The following RBFOX1 variants were observed in gnomAD, a reference collection of about 807,000 sequenced individuals.
RBFOX1 encodes RNA binding fox-1 homolog 1.
In RBFOX1, 8 loss-of-function variants were observed where a neutral mutation model predicts 57.7. That is an observed-to-expected ratio of 0.14 (90% CI 0.08 to 0.25). The LOEUF is 0.25. RBFOX1 is among the 10% of genes least tolerant of loss of function. RBFOX1 has a pLI of 1.00. For synonymous variants in RBFOX1, 326 were observed against 222.4 expected (o/e 1.47, Z -4.15); for missense variants, 611 against 548.5 (o/e 1.11, Z -1.14).
chr16:6,347,005 G>A (rs1305045139), intron 2 of RBFOX1, among the ~76,000 whole-genome samples: 4 of 152,238 alleles, frequency 2.6e-5, no homozygotes, highest in Non-Finnish European at 4.4e-5. Context: ...TGTTTACATT[G>A]AATAAAGATC....
chr16:7,229,163 C>T (rs914191806), intron 4 of RBFOX1, among the ~76,000 whole-genome samples: 2 of 152,106 alleles, frequency 1.3e-5, no homozygotes, highest in Admixed American at 1.3e-4. Flanking sequence ...AAGGAAAATC[C>T]GCAGATATTT....
chr16:5,368,219 A>G (rs2065773459), intron 1 of RBFOX1, among the ~76,000 whole-genome samples: 1 of 152,220 alleles, frequency 6.6e-6, no homozygotes, highest in Non-Finnish European at 1.5e-5. Flanking sequence ...ATCTTGAATC[A>G]TTGGAGAAGC....
At chr16:7,632,934 T>C (rs1202940990) in intron 11 of RBFOX1, among the ~76,000 whole-genome samples, 3 of 152,240 alleles carry the variant, frequency 2.0e-5, no homozygotes, top group African/African-American at 7.2e-5. Context: ...TGAATTGGTA[T>C]AGCTATTCTA....
intron 3 of RBFOX1, among the ~76,000 whole-genome samples, chr16:6,895,644 A>T (rs1326997861): frequency 6.6e-6 from 1 of 151,602 alleles, no homozygotes; most frequent in Non-Finnish European, 1.5e-5. Flanking sequence ...ATCCTTGACA[A>T]TGCCAATGTT....
At chr16:7,563,505 T>C (rs929604502) in intron 5 of RBFOX1, among the ~76,000 whole-genome samples, 1 of 152,340 alleles carries the variant, frequency 6.6e-6, no homozygotes, top group East Asian at 1.9e-4. Flanking sequence ...TCTTACACTG[T>C]TGCCCAGGCT....
rs76710586 is a variant in RBFOX1, at chr16:6,543,526, T to G, written c.-63-111077T>G. 2.2e-4 allele frequency among the ~76,000 whole-genome samples: 34 copies of G among 152,312 alleles called. No homozygotes were observed. The East Asian group carries it at 6.2e-3, about 28-fold the overall frequency. On this transcript the variant is annotated intron_variant, in intron 2 of 15. Transcript: ENST00000550418. ...CTCTGAGATCTTTCCGCCTGCATTT[T>G]GGGCTTTGCGCTTTTTATACCTTAC...
intron 3 of RBFOX1, among the ~76,000 whole-genome samples, chr16:5,796,909 T>C (rs1217126194): frequency 3.3e-5 from 5 of 152,200 alleles, no homozygotes; most frequent in African/African-American, 1.2e-4. Flanking sequence ...CATGTGACAA[T>C]ATTTATTGAG....
At chr16:6,491,747 T>C (rs987243518) in intron 2 of RBFOX1, among the ~76,000 whole-genome samples, 1 of 152,130 alleles carries the variant, frequency 6.6e-6, no homozygotes, top group African/African-American at 2.4e-5. Context: ...TTTTCAAGGG[T>C]TACCAACAGC....
At chr16:7,598,500 TA>T (rs768856281) in intron 9 of RBFOX1, among the ~76,000 whole-genome samples, 155 of 150,160 alleles carry the variant, frequency 1.0e-3, no homozygotes, top group African/African-American at 3.5e-3. Context: ...TTTTTTAAAG[TA>T]AAAAAAAAAT....
chr16:7,156,228 A>G (rs1480813602), intron 4 of RBFOX1, among the ~76,000 whole-genome samples: 1 of 151,416 alleles, frequency 6.6e-6, no homozygotes, highest in Non-Finnish European at 1.5e-5. Flanking sequence ...CCATATATAT[A>G]TATACACACA....
At chr16:7,093,079 C>T (rs1176573905) in intron 4 of RBFOX1, among the ~76,000 whole-genome samples, 1 of 152,196 alleles carries the variant, frequency 6.6e-6, no homozygotes, top group Non-Finnish European at 1.5e-5. Context: ...CCTATGAGTG[C>T]AGTGCTTTAC....
At chr16:6,410,520 C>G (rs1167476183) in intron 2 of RBFOX1, among the ~76,000 whole-genome samples, 1 of 151,852 alleles carries the variant, frequency 6.6e-6, no homozygotes, top group Non-Finnish European at 1.5e-5. Context: ...ACCGTGTTAG[C>G]CAGGATGGTC....
At position 6,257,911 on chromosome 16, in the gene RBFOX1, A is replaced by G. The variant is rs374895526; in HGVS notation, c.-126-59084A>G. ...CACATGGATGTGTCTTTATACTAGA[A>G]TGATTTATATTCCTTTCGGTATATC... On this transcript the variant is annotated intron_variant, in intron 1 of 15. Coordinates refer to ENST00000550418, the MANE Select transcript of RBFOX1 (RefSeq NM_018723.4). Among the ~76,000 whole-genome samples, 31 of 152,278 alleles carry G rather than the reference A, an allele frequency of 2.0e-4. 1 individual carries two copies. Among genetic ancestry groups the G allele is most frequent in the African/African-American group, 7.2e-4 (30 of 41,566 alleles).
At chr16:6,754,876 C>T (rs760049835) in intron 3 of RBFOX1, among the ~76,000 whole-genome samples, 20 of 151,948 alleles carry the variant, frequency 1.3e-4, no homozygotes, top group Non-Finnish European at 2.6e-4. Context: ...CACAACAGTC[C>T]CCAGAGTGTG....
intron 4 of RBFOX1, among the ~76,000 whole-genome samples, chr16:7,224,502 C>G (rs2092964887): frequency 6.6e-6 from 1 of 151,314 alleles, no homozygotes; most frequent in African/African-American, 2.4e-5. Context: ...ATACTGCTAC[C>G]TGGGACCTGC....
At chr16:6,808,025 A>C (rs1603627380) in intron 3 of RBFOX1, among the ~76,000 whole-genome samples, 1 of 150,578 alleles carries the variant, frequency 6.6e-6, no homozygotes, top group African/African-American at 2.4e-5. Flanking sequence ...TGCAAATTAT[A>C]CCTTGTGTAT....
At chr16:5,506,300 C>T (rs538330565) in intron 2 of RBFOX1, among the ~76,000 whole-genome samples, 1 of 152,208 alleles carries the variant, frequency 6.6e-6, no homozygotes, top group African/African-American at 2.4e-5. Context: ...GCTTGGCAGC[C>T]TGCAGGCACA....
At chr16:6,270,419 A>G (rs1360988223) in intron 1 of RBFOX1, among the ~76,000 whole-genome samples, 2 of 151,436 alleles carry the variant, frequency 1.3e-5, no homozygotes, top group Non-Finnish European at 2.9e-5. Context: ...ATCAAAAGAA[A>G]GTAGGAGTAG....
chr16:6,505,547 G>A (rs1598427228), intron 2 of RBFOX1, among the ~76,000 whole-genome samples: 2 of 152,182 alleles, frequency 1.3e-5, no homozygotes, highest in East Asian at 3.9e-4. Context: ...TCACCGTCTA[G>A]TACAGCTAGA....
Sources: allele counts gnomAD v4.1 joint callset (sites outside exome capture counted in the v4.1 genomes callset), GRCh38; gene constraint gnomAD v4.1.1; transcripts MANE v1.5; gene names NCBI Gene and HGNC (gene_info 2026-07-23, HGNC 2026-07-21).